SATB2: variants seen among roughly 807,000 people sequenced by gnomAD.
SATB2 encodes the protein SATB homeobox 2.
SATB2 carries 1 observed loss-of-function variant against 73.4 expected under a neutral mutation model. That is an observed-to-expected ratio of 0.01 (90% CI 0.00 to 0.06). SATB2 has a LOEUF of 0.06. Among genes scored for constraint, SATB2 ranks in the 10% least tolerant of loss-of-function variants. The probability of loss-of-function intolerance (pLI) is 1.00; values close to 1 mark genes in which losing one functional copy is unlikely to be tolerated. For missense variants in SATB2, 459 were observed against 945.8 expected (o/e 0.49, Z 6.75); for synonymous variants, 397 against 367.0 (o/e 1.08, Z -0.93).
At chr2:199,320,797 C>G (rs973478894) in intron 9 of SATB2, among the ~76,000 whole-genome samples, 1 of 152,132 alleles carries the variant, frequency 6.6e-6, no homozygotes, top group Non-Finnish European at 1.5e-5. Context: ...TCTTCCTATT[C>G]CCCATTCAAG....
upstream of SATB2, among the ~76,000 whole-genome samples, chr2:199,462,914 C>T (rs1692510299): frequency 6.6e-6 from 1 of 152,190 alleles, no homozygotes; most frequent in African/African-American, 2.4e-5. The surrounding 1 kb of genome is among the most constrained non-coding windows in gnomAD (Gnocchi z 5.9). Context: ...AGGGAATTGC[C>T]AAGGTCGGCC....
Position 199,272,241 on chromosome 2 carries a change from C to T in SATB2, c.2172G>A (p.Lys724=), listed in dbSNP as rs915648697. 1 of 1,614,192 alleles carries T rather than the reference C, an allele frequency of 6.2e-7. No homozygotes were observed. Among genetic ancestry groups the T allele is most frequent in the Admixed American group, 1.7e-5 (1 of 60,026 alleles). ...EAEEENADKS[K]AAPAEIDQR Reference sequence around the variant, plus strand: ...TCTGGTCAATTTCGGCAGGTGCTGCCTTGCTTTTGTCAGCATTTTCCTCCT... The same window carrying T: ...TCTGGTCAATTTCGGCAGGTGCTGCTTTGCTTTTGTCAGCATTTTCCTCCT... Residue 724 remains lysine, a synonymous_variant, in exon 11 of 11, where the codon AAG becomes AAA. Coordinates refer to ENST00000417098, the MANE Select transcript of SATB2 (RefSeq NM_001172509.2). The surrounding 1 kb of genome is among the most constrained non-coding windows in gnomAD (Gnocchi z 6.7).
At chr2:199,356,393 T>C (rs1483542006) in intron 6 of SATB2, among the ~76,000 whole-genome samples, 2 of 152,060 alleles carry the variant, frequency 1.3e-5, no homozygotes, top group African/African-American at 2.4e-5. Context: ...AACCAACAAT[T>C]TCAAATTGGT....
chr2:199,375,110 C>T (rs1277545981), intron 5 of SATB2, among the ~76,000 whole-genome samples: 2 of 152,116 alleles, frequency 1.3e-5, no homozygotes, highest in African/African-American at 4.8e-5. Context: ...ACCCTGAGCA[C>T]CTGGGGTTTT....
At position 199,456,148 on chromosome 2, in the gene SATB2, C is replaced by T. The variant is rs998985078; in HGVS notation, c.-59-52G>A. The T allele has an allele frequency of 1.4e-5, 14 of 998,052 alleles. No individual in the cohort carries two copies. The South Asian group carries it at 1.8e-4, about 13-fold the overall frequency. 61.8% of individuals were successfully genotyped at this position (998,052 alleles called of 1,614,324 possible). Reference sequence around the variant, plus strand: ...GGGAGGGAGAAAAAAGAGGGAAAACCGCTCATACACGTGATAGACGTTCAG... The same window carrying T: ...GGGAGGGAGAAAAAAGAGGGAAAACTGCTCATACACGTGATAGACGTTCAG... On this transcript the variant is annotated intron_variant, in intron 1 of 10. Transcript: ENST00000417098.
intron 3 of SATB2, among the ~76,000 whole-genome samples, chr2:199,411,432 C>T (rs1559038493): frequency 1.3e-5 from 2 of 152,162 alleles, no homozygotes; most frequent in African/African-American, 2.4e-5. Context: ...TATTTATTAA[C>T]ATTTTTTCAA....
chr2:199,294,679 A>G (rs1001210289), intron 10 of SATB2, among the ~76,000 whole-genome samples: 1 of 152,172 alleles, frequency 6.6e-6, no homozygotes, highest in African/African-American at 2.4e-5. Context: ...TTTTGAGTAC[A>G]ACTATTGACC....
chr2:199,330,458 G>C (rs1042256725), intron 7 of SATB2, among the ~76,000 whole-genome samples: 3 of 152,186 alleles, frequency 2.0e-5, no homozygotes, highest in African/African-American at 7.2e-5. Context: ...AGTGTCTTTT[G>C]TGTGCGTCTG....
At chr2:199,443,373 A>C (rs1691874955) in intron 2 of SATB2, among the ~76,000 whole-genome samples, 1 of 152,122 alleles carries the variant, frequency 6.6e-6, no homozygotes, top group Non-Finnish European at 1.5e-5. Context: ...AAGACTACCC[A>C]GATTTCTAGT....
intron 3 of SATB2, among the ~76,000 whole-genome samples, chr2:199,387,674 A>G (rs934258088): frequency 6.6e-6 from 1 of 152,216 alleles, no homozygotes; most frequent in Non-Finnish European, 1.5e-5. Context: ...GATTGAATTG[A>G]GCACAGTATG....
At chr2:199,432,696 G>A (rs544988691) in intron 3 of SATB2, among the ~76,000 whole-genome samples, 79 of 151,900 alleles carry the variant, frequency 5.2e-4, no homozygotes, top group Non-Finnish European at 7.9e-4. Flanking sequence ...CAATTCTTTG[G>A]CATGACAGAA....
At chr2:199,424,911 A>G (rs1691281132) in intron 3 of SATB2, among the ~76,000 whole-genome samples, 1 of 152,236 alleles carries the variant, frequency 6.6e-6, no homozygotes, top group East Asian at 1.9e-4. Context: ...AAGTAACAGC[A>G]CTATTGAAAA....
intron 3 of SATB2, among the ~76,000 whole-genome samples, chr2:199,422,365 A>G (rs1032730480): frequency 1.3e-5 from 2 of 151,998 alleles, no homozygotes; most frequent in East Asian, 1.9e-4. Context: ...TTTAAACTTT[A>G]TAAGTTTATA....
At chr2:199,306,763 G>A (rs988095560) in intron 10 of SATB2, among the ~76,000 whole-genome samples, 4 of 152,008 alleles carry the variant, frequency 2.6e-5, no homozygotes, top group African/African-American at 9.7e-5. Context: ...AGGGCCCAAC[G>A]AGATGATAAT....
At chr2:199,461,894 C>T (rs935851226), upstream of SATB2, among the ~76,000 whole-genome samples, 3 of 152,194 alleles carry the variant, frequency 2.0e-5, no homozygotes, top group Non-Finnish European at 4.4e-5. Context: ...TTTGTCGACA[C>T]CAAGTTTTTG....
In SATB2 at chr2:199,323,508, C is replaced by CAT. The variant is rs3048313; in HGVS notation, c.1542+293_1542+294dup. ...ACACACACACACACACACACACACA[C>CAT]ATATATAAAGGGAGAGAAACAAAAG... is the stretch of plus-strand genomic sequence containing the variant. On this transcript the variant is annotated intron_variant, in intron 9 of 10. Coordinates refer to ENST00000417098, the MANE Select transcript of SATB2 (RefSeq NM_001172509.2). 9.9e-3 allele frequency among the ~76,000 whole-genome samples: 1,431 copies of CAT among 144,284 alleles called. 12 individuals carry two copies. The highest frequency in any genetic ancestry group is 0.014 in the Middle Eastern group (4 of 288). The allele number at this position is 144,284 out of a possible 152,430, so 94.7% of individuals were successfully genotyped here.
At chr2:199,285,019 A>C (rs1340970126) in intron 10 of SATB2, among the ~76,000 whole-genome samples, 1 of 152,122 alleles carries the variant, frequency 6.6e-6, no homozygotes, top group Non-Finnish European at 1.5e-5. Context: ...ATCTGCAAGA[A>C]GTTCTGGAAT....
intron 7 of SATB2, among the ~76,000 whole-genome samples, chr2:199,331,216 G>GTT (rs55641518): frequency 0.013 from 1,853 of 146,426 alleles, 22 homozygotes; most frequent in African/African-American, 0.029. Flanking sequence ...TTTGTTTCTT[G>GTT]TTTTTTTTTT....
chr2:199,324,041 A>C, intron 8 of SATB2, 83 bp from the exon 9 acceptor site: 1 of 1,480,516 alleles, frequency 6.8e-7, no homozygotes, highest in Non-Finnish European at 9.4e-7. Context: ...AAAGGATTTC[A>C]GTCAGCTGAT....
Sources: allele counts gnomAD v4.1 joint callset (sites outside exome capture counted in the v4.1 genomes callset), GRCh38; gene constraint gnomAD v4.1.1; non-coding constraint Gnocchi (gnomAD v3.1); transcripts MANE v1.5; gene names NCBI Gene and HGNC (gene_info 2026-07-23, HGNC 2026-07-21).